ROBO2: variants seen among roughly 807,000 people sequenced by gnomAD.
ROBO2 encodes roundabout guidance receptor 2.
Under a neutral mutation model 160.8 loss-of-function variants are expected in ROBO2, and 53 were observed. That is an observed-to-expected ratio of 0.33 (90% CI 0.26 to 0.41). The LOEUF is 0.41. ROBO2 is among the 10% of genes least tolerant of loss of function. The pLI, the probability that ROBO2 is intolerant of heterozygous loss-of-function variation, is 1.00. For synonymous variants in ROBO2, 664 were observed against 611.7 expected (o/e 1.09, Z -1.26); for missense variants, 1,577 against 1,722.4 (o/e 0.92, Z 1.49).
intron 2 of ROBO2, among the ~76,000 whole-genome samples, chr3:76,629,682 C>T (rs375182900): frequency 7.2e-5 from 11 of 152,244 alleles, no homozygotes; most frequent in African/African-American, 2.4e-4. Flanking sequence ...CAGACACGCC[C>T]AGAAACAATA....
chr3:76,555,358 G>GGAGGAAGAGGAGGA (rs1201244951), intron 2 of ROBO2, among the ~76,000 whole-genome samples: 1 of 57,932 alleles, frequency 1.7e-5, no homozygotes, highest in African/African-American at 5.2e-5. Context: ...AGTAGGAAGA[G>GGAGGAAGAGGAGGA]AGAAGAAGAA....
At chr3:77,208,187 T>C (rs1158078166) in intron 2 of ROBO2, among the ~76,000 whole-genome samples, 2 of 152,192 alleles carry the variant, frequency 1.3e-5, no homozygotes, top group East Asian at 3.9e-4. Flanking sequence ...CCTTGTCTAC[T>C]CATTTATAGC....
chr3:76,241,684 A>T (rs1437160866), intron 2 of ROBO2, among the ~76,000 whole-genome samples: 1 of 152,190 alleles, frequency 6.6e-6, no homozygotes, highest in Non-Finnish European at 1.5e-5. Flanking sequence ...ATGGTGTGTG[A>T]TATAAAAGCT....
chr3:75,907,846 CGTGTGCGTGTGT>C (rs1389913336), intron 1 of ROBO2, among the ~76,000 whole-genome samples: 1 of 77,798 alleles, frequency 1.3e-5, no homozygotes, highest in Non-Finnish European at 2.5e-5. Flanking sequence ...TTTTTTTAAT[CGTGTGCGTGTGT>C]GTGTGTGTGT....
At chr3:77,627,202 A>G (rs1224265488) in intron 23 of ROBO2, among the ~76,000 whole-genome samples, 6 of 152,174 alleles carry the variant, frequency 3.9e-5, no homozygotes, top group African/African-American at 1.4e-4. Flanking sequence ...GAAACAAGGT[A>G]TCAAGCATCG....
intron 2 of ROBO2, among the ~76,000 whole-genome samples, chr3:76,663,762 T>G (rs1575800858): frequency 6.6e-6 from 1 of 151,930 alleles, no homozygotes; most frequent in Non-Finnish European, 1.5e-5. Context: ...GCAGTTTGAG[T>G]TAAGACATAA....
intron 2 of ROBO2, among the ~76,000 whole-genome samples, chr3:76,225,652 T>G (rs1221752370): frequency 6.6e-6 from 1 of 152,080 alleles, no homozygotes; most frequent in Admixed American, 6.6e-5. Flanking sequence ...AGGTGGAGGT[T>G]GCAGTAAGCC....
At chr3:76,638,596 G>T (rs896128078) in intron 2 of ROBO2, among the ~76,000 whole-genome samples, 1 of 151,938 alleles carries the variant, frequency 6.6e-6, no homozygotes, top group African/African-American at 2.4e-5. Flanking sequence ...TTAAATTATT[G>T]GGTAAAAGTG....
At chr3:77,264,511 G>A (rs1325666035) in intron 2 of ROBO2, among the ~76,000 whole-genome samples, 1 of 151,686 alleles carries the variant, frequency 6.6e-6, no homozygotes, top group Non-Finnish European at 1.5e-5. Context: ...AGCCATCAGA[G>A]GAATGTTAAC....
chr3:76,897,365 A>G (rs1013284920), intron 2 of ROBO2, among the ~76,000 whole-genome samples: 6 of 152,064 alleles, frequency 3.9e-5, no homozygotes, highest in African/African-American at 1.4e-4. Flanking sequence ...CATTTTGGGG[A>G]TAATTTTTAT....
intron 2 of ROBO2, among the ~76,000 whole-genome samples, chr3:76,946,766 C>T (rs1187996883): frequency 6.6e-6 from 1 of 152,176 alleles, no homozygotes; most frequent in Non-Finnish European, 1.5e-5. Flanking sequence ...ATCTTTTTCA[C>T]TAACCTCCCC....
chr3:76,502,127 G>T (rs765065869), intron 2 of ROBO2, among the ~76,000 whole-genome samples: 1 of 149,698 alleles, frequency 6.7e-6, no homozygotes. Flanking sequence ...TTTTGTGAAA[G>T]ATATAATACA....
At chr3:77,147,620 G>A (rs1369537223) in intron 2 of ROBO2, among the ~76,000 whole-genome samples, 1 of 152,110 alleles carries the variant, frequency 6.6e-6, no homozygotes, top group African/African-American at 2.4e-5. Flanking sequence ...ATGTTAGAAT[G>A]TTTTCCTGGT....
intron 2 of ROBO2, among the ~76,000 whole-genome samples, chr3:76,152,601 G>A (rs2072254413): frequency 6.6e-6 from 1 of 151,996 alleles, no homozygotes; most frequent in African/African-American, 2.4e-5. Context: ...TATTTGATTA[G>A]AGTTCTCTTT....
At chr3:76,165,598 G>A (rs1211801675) in intron 2 of ROBO2, among the ~76,000 whole-genome samples, 2 of 152,092 alleles carry the variant, frequency 1.3e-5, no homozygotes, top group African/African-American at 4.8e-5. Flanking sequence ...TAGCTGTTTG[G>A]TGCGAGTAGC....
intron 2 of ROBO2, among the ~76,000 whole-genome samples, chr3:76,852,648 A>G (rs1263149087): frequency 6.6e-6 from 1 of 152,172 alleles, no homozygotes; most frequent in Non-Finnish European, 1.5e-5. Context: ...CTTAAAAATA[A>G]CTGATGGAAA....
intron 2 of ROBO2, among the ~76,000 whole-genome samples, chr3:77,207,349 A>G (rs2083568560): frequency 6.6e-6 from 1 of 152,186 alleles, no homozygotes; most frequent in Non-Finnish European, 1.5e-5. Context: ...ATCCATTCGG[A>G]CAGTCACATT....
intron 2 of ROBO2, among the ~76,000 whole-genome samples, chr3:76,226,528 T>C (rs1218283708): frequency 1.3e-5 from 2 of 152,184 alleles, no homozygotes; most frequent in African/African-American, 4.8e-5. Flanking sequence ...CTAATGTTCC[T>C]TAAAATTGTA....
intron 23 of ROBO2, 136 bp downstream of exon 24, chr3:77,622,568 TACA>T: frequency 1.3e-6 from 1 of 781,546 alleles, no homozygotes; most frequent in Non-Finnish European, 2.1e-6. Flanking sequence ...TAATATTAAA[TACA>T]AAATTCAAAA....
Sources: gnomAD v4.1 joint callset for allele counts (sites outside exome capture counted in the v4.1 genomes callset) on GRCh38, gnomAD v4.1.1 for gene constraint, MANE v1.5 for transcripts, NCBI Gene and HGNC (gene_info 2026-07-23, HGNC 2026-07-21) for gene names.